STS: variants seen among roughly 807,000 people sequenced by gnomAD.
The protein encoded by STS is steryl-sulfatase.
STS carries 7 observed loss-of-function variants against 26.8 expected under a neutral mutation model. The observed-to-expected ratio is 0.26, with a 90% CI of 0.15 to 0.49. The LOEUF (loss-of-function observed/expected upper bound fraction) is 0.49. Ranked by LOEUF, STS falls within the 20% of genes least tolerant of loss-of-function variation. The pLI is 0.98. For synonymous variants in STS, 199 were observed against 189.4 expected, an observed-to-expected ratio of 1.05 and a Z score of -0.42; for missense variants, 434 against 465.6, an observed-to-expected ratio of 0.93 and a Z score of 0.63.
intron 1 of STS, among the ~76,000 whole-genome samples, chrX:7,178,612 C>T (rs1256175929): frequency 8.9e-6 from 1 of 112,055 alleles, no homozygotes; most frequent in Non-Finnish European, 1.9e-5. Flanking sequence ...ATTCTAAATG[C>T]CCTCAAGTAA....
At chrX:7,263,558 G>A (rs1462437754) in intron 6 of STS, among the ~76,000 whole-genome samples, 17 of 112,145 alleles carry the variant, frequency 1.5e-4, no homozygotes, top group African/African-American at 4.9e-4. Flanking sequence ...TACCATCTAG[G>A]CTTGTGTAAG....
At chrX:7,243,418 T>G (rs1358828377) in intron 2 of STS, among the ~76,000 whole-genome samples, 13 of 111,696 alleles carry the variant, frequency 1.2e-4, no homozygotes, top group Non-Finnish European at 5.6e-5. Flanking sequence ...ATGGTCAAGG[T>G]GACATCTTAG....
intron 2 of STS, among the ~76,000 whole-genome samples, chrX:7,224,172 C>T (rs1921702439): frequency 9.0e-6 from 1 of 111,509 alleles, no homozygotes; most frequent in Non-Finnish European, 1.9e-5. Flanking sequence ...TTAAAGCTCT[C>T]AGTTCTTCAA....
chrX:7,171,683 A>C (rs1197538939), intron 1 of STS, among the ~76,000 whole-genome samples: 1 of 111,585 alleles, frequency 9.0e-6, no homozygotes, highest in African/African-American at 3.3e-5. Flanking sequence ...ATTTTCCAGC[A>C]AAAAGTACTC....
intron 8 of STS, among the ~76,000 whole-genome samples, chrX:7,313,187 G>C (rs1167077516): frequency 3.6e-5 from 4 of 112,179 alleles, no homozygotes; most frequent in Non-Finnish European, 7.5e-5. Flanking sequence ...TGTGGGGGTG[G>C]GGGATCATAT....
At chrX:7,200,624 G>A (rs889857553) in intron 2 of STS, among the ~76,000 whole-genome samples, 1 of 111,369 alleles carries the variant, frequency 9.0e-6, no homozygotes, top group African/African-American at 3.3e-5. Context: ...GTTCAGTGAC[G>A]GGAAGGAGAT....
chrX:7,214,073 G>A (rs1403942742), intron 2 of STS, among the ~76,000 whole-genome samples: 1 of 111,451 alleles, frequency 9.0e-6, no homozygotes, highest in Non-Finnish European at 1.9e-5. Context: ...GGGCCACAGA[G>A]CAAGACCCTG....
At chrX:7,342,451 A>G (rs1013968879) in intron 10 of STS, among the ~76,000 whole-genome samples, 1 of 112,269 alleles carries the variant, frequency 8.9e-6, no homozygotes, top group Non-Finnish European at 1.9e-5. Flanking sequence ...GTCCCTTAAT[A>G]TGCAAAACCC....
At chrX:7,308,845 T>A (rs958459776) in intron 8 of STS, among the ~76,000 whole-genome samples, 8 of 111,709 alleles carry the variant, frequency 7.2e-5, no homozygotes, top group Non-Finnish European at 1.3e-4. Flanking sequence ...GAGTGTCAAG[T>A]GTCAAGATAT....
intron 7 of STS, among the ~76,000 whole-genome samples, chrX:7,294,036 C>CA (rs1429646913): frequency 9.1e-6 from 1 of 109,650 alleles, no homozygotes; most frequent in Non-Finnish European, 1.9e-5. Flanking sequence ...CCTGGAGAGC[C>CA]AAAAAAAACT....
Position 7,191,026 on chromosome X carries a change from A to G in STS, c.-5+18A>G. On this transcript the variant is annotated intron_variant, in intron 2 of 10. Coordinates refer to ENST00000674429, the MANE Select transcript of STS (RefSeq NM_001320752.2). Reference sequence around the variant, plus strand: ...TTCATAGCGTAAGTATGAGAGGTGCATATGTTTGTATCTTCGCCCTGAAAC... The same window carrying G: ...TTCATAGCGTAAGTATGAGAGGTGCGTATGTTTGTATCTTCGCCCTGAAAC... 1 of 749,729 alleles carries G rather than the reference A, an allele frequency of 1.3e-6. No individual in the cohort carries two copies. Among genetic ancestry groups the G allele is most frequent in the Non-Finnish European group, 1.6e-6 (1 of 635,469 alleles). The allele number at this position is 749,729 out of a possible 1,213,427, so 61.8% of individuals were successfully genotyped here.
intron 1 of STS, among the ~76,000 whole-genome samples, chrX:7,187,593 G>A (rs1455161249): frequency 8.9e-6 from 1 of 112,062 alleles, no homozygotes; most frequent in Non-Finnish European, 1.9e-5. Flanking sequence ...GTTGAACATA[G>A]GATGCCTTTA....
chrX:7,238,951 G>A (rs1274696213), intron 2 of STS, among the ~76,000 whole-genome samples: 1 of 111,343 alleles, frequency 9.0e-6, no homozygotes, highest in Non-Finnish European at 1.9e-5. Context: ...GACTTCAAAT[G>A]TAAACAAACA....
intron 2 of STS, among the ~76,000 whole-genome samples, chrX:7,237,647 GT>G (rs1293292916): frequency 8.9e-6 from 1 of 111,993 alleles, no homozygotes; most frequent in Non-Finnish European, 1.9e-5. Context: ...GAGTGTGTCT[GT>G]GAGGGTGTTT....
intron 10 of STS, among the ~76,000 whole-genome samples, chrX:7,344,473 G>C (rs904090518): frequency 9.0e-6 from 1 of 111,191 alleles, no homozygotes; most frequent in Non-Finnish European, 1.9e-5. Context: ...GGAGGAGAAG[G>C]TTCTGCCATC....
intron 2 of STS, among the ~76,000 whole-genome samples, chrX:7,220,435 C>A (rs1217028285): frequency 1.8e-5 from 2 of 110,573 alleles, no homozygotes; most frequent in East Asian, 2.8e-4. Flanking sequence ...TGGCTAAATC[C>A]TTTCTCTCTT....
chrX:7,316,736 T>C (rs1159654695), intron 8 of STS, among the ~76,000 whole-genome samples: 1 of 112,082 alleles, frequency 8.9e-6, no homozygotes, highest in Non-Finnish European at 1.9e-5. Flanking sequence ...AATATTGTTA[T>C]ATTTCCCATC....
intron 8 of STS, among the ~76,000 whole-genome samples, chrX:7,311,960 G>A (rs773488410): frequency 2.7e-5 from 3 of 111,835 alleles, no homozygotes. Flanking sequence ...CCAGGAAGTC[G>A]AGGCTGCAGT....
At chrX:7,249,894 G>A (rs1178735443) in intron 2 of STS, among the ~76,000 whole-genome samples, 8 of 110,844 alleles carry the variant, frequency 7.2e-5, no homozygotes, top group Admixed American at 6.7e-4. Context: ...TTCATGCCAC[G>A]TTTTGGTTGT....
Sources: allele counts gnomAD v4.1 joint callset (sites outside exome capture counted in the v4.1 genomes callset), GRCh38; gene constraint gnomAD v4.1.1; transcripts MANE v1.5; gene names NCBI Gene and HGNC (gene_info 2026-07-23, HGNC 2026-07-21).